MACROD2: variants seen among roughly 807,000 people sequenced by gnomAD.
MACROD2 encodes mono-ADP ribosylhydrolase 2, also known as ADP-ribose glycohydrolase MACROD2.
In MACROD2, 36 loss-of-function variants were observed where a neutral mutation model predicts 70.4. The ratio of observed to expected loss-of-function variants is 0.51; its 90% confidence interval spans 0.39 to 0.68. The LOEUF (loss-of-function observed/expected upper bound fraction) is 0.68, where lower values mean the gene tolerates loss of function less well. MACROD2 is among the 30% of genes least tolerant of loss of function. The pLI is 0.00. For synonymous variants in MACROD2, 172 were observed against 178.8 expected (o/e 0.96, Z 0.30); for missense variants, 496 against 538.4 (o/e 0.92, Z 0.78).
chr20:15,585,893 C>A (rs190212193), intron 8 of MACROD2, among the ~76,000 whole-genome samples: 6 of 152,184 alleles, frequency 3.9e-5, no homozygotes, highest in African/African-American at 1.2e-4. Context: ...TCAACAGAAA[C>A]CTCATAGTGC....
chr20:14,354,491 G>A (rs1371591524), intron 3 of MACROD2, among the ~76,000 whole-genome samples: 1 of 151,940 alleles, frequency 6.6e-6, no homozygotes, highest in Non-Finnish European at 1.5e-5. Context: ...CTATATCCTA[G>A]CAGTTTTTAA....
intron 10 of MACROD2, among the ~76,000 whole-genome samples, chr20:15,923,414 A>G (rs1352098924): frequency 2.0e-5 from 3 of 152,172 alleles, no homozygotes; most frequent in Non-Finnish European, 4.4e-5. Flanking sequence ...CCCATGATTC[A>G]ATTACCTCCC....
At chr20:14,271,477 A>G (rs1164621327) in intron 3 of MACROD2, among the ~76,000 whole-genome samples, 2 of 152,204 alleles carry the variant, frequency 1.3e-5, no homozygotes, top group Admixed American at 1.3e-4. Flanking sequence ...GGACATCCAC[A>G]CCAAAAACCC....
intron 5 of MACROD2, among the ~76,000 whole-genome samples, chr20:14,924,358 G>T (rs1256746600): frequency 6.6e-6 from 1 of 152,016 alleles, no homozygotes; most frequent in Non-Finnish European, 1.5e-5. Flanking sequence ...AGAATTGCTT[G>T]AACCTGGAAG....
In MACROD2 at chr20:15,021,265, T is replaced by TGTGTATACGCACAC. The variant is rs1386024417; in HGVS notation, c.419-208671_419-208670insATACGCACACGTGT. Among the ~76,000 whole-genome samples the TGTGTATACGCACAC allele has an allele frequency of 5.1e-4, 4 of 7,894 alleles. No individual in the cohort carries two copies. In the East Asian group the frequency reaches 0.017, roughly 34 times the overall value. 5.2% of individuals were successfully genotyped at this position (7,894 alleles called of 152,430 possible). On this transcript the variant is annotated intron_variant, in intron 5 of 17. Transcript: ENST00000684519. ...CTGTGTGTATGTATACACACACCTG[T>TGTGTATACGCACAC]GTGTGTGTATACGCACACCTGTGTG... is the stretch of plus-strand genomic sequence containing the variant.
chr20:15,181,471 C>T (rs1475390623), intron 5 of MACROD2, among the ~76,000 whole-genome samples: 3 of 152,174 alleles, frequency 2.0e-5, no homozygotes, highest in Non-Finnish European at 2.9e-5. Flanking sequence ...ACTCAACTGC[C>T]AAAGGCCAAC....
At chr20:15,697,483 A>G (rs1045934360) in intron 8 of MACROD2, among the ~76,000 whole-genome samples, 11 of 152,102 alleles carry the variant, frequency 7.2e-5, no homozygotes, top group East Asian at 3.9e-4. Flanking sequence ...CTAATGGTCT[A>G]TCTTGGAGAA....
chr20:15,611,599 G>A (rs2048971070), intron 8 of MACROD2, among the ~76,000 whole-genome samples: 2 of 151,838 alleles, frequency 1.3e-5, no homozygotes, highest in African/African-American at 4.8e-5. Flanking sequence ...CCATGGGAGT[G>A]AATATGCCAG....
At chr20:14,657,119 C>T (rs1600506267) in intron 4 of MACROD2, among the ~76,000 whole-genome samples, 2 of 152,130 alleles carry the variant, frequency 1.3e-5, no homozygotes, top group African/African-American at 2.4e-5. Flanking sequence ...TTTTTCAATG[C>T]ATTAGTATTA....
chr20:15,238,014 G>C (rs549223767), intron 6 of MACROD2, among the ~76,000 whole-genome samples: 54 of 152,294 alleles, frequency 3.5e-4, no homozygotes, highest in African/African-American at 1.3e-3. Flanking sequence ...TGTTTCATGT[G>C]TGCAGATGAG....
chr20:14,795,796 G>C (rs1255382358), intron 5 of MACROD2, among the ~76,000 whole-genome samples: 1 of 152,096 alleles, frequency 6.6e-6, no homozygotes, highest in East Asian at 1.9e-4. Context: ...GCATTGTAAA[G>C]ACTGGAATAG....
chr20:15,246,936 C>T (rs2077111153), intron 6 of MACROD2, among the ~76,000 whole-genome samples: 2 of 152,090 alleles, frequency 1.3e-5, no homozygotes, highest in Admixed American at 1.3e-4. Context: ...GTTATGCCAA[C>T]TGAAATAAAC....
intron 3 of MACROD2, among the ~76,000 whole-genome samples, chr20:14,402,498 T>C (rs1209117446): frequency 2.0e-5 from 3 of 152,050 alleles, no homozygotes; most frequent in Non-Finnish European, 2.9e-5. Context: ...ATAGGGGAAA[T>C]GTATGTGTGT....
At chr20:14,727,285 C>A (rs1219889885) in intron 5 of MACROD2, among the ~76,000 whole-genome samples, 2 of 152,124 alleles carry the variant, frequency 1.3e-5, no homozygotes, top group Admixed American at 1.3e-4. Context: ...AAACCCAGCA[C>A]TTTGGGAGGC....
Position 15,284,523 on chromosome 20 carries a change from A to T in MACROD2, c.540+54462A>T, listed in dbSNP as rs191591346. 1.7e-4 allele frequency among the ~76,000 whole-genome samples: 26 copies of T among 151,830 alleles called. No individual in the cohort carries two copies. In the East Asian group the frequency reaches 5.0e-3, roughly 29 times the overall value. On this transcript the variant is annotated intron_variant, in intron 6 of 17. Transcript: ENST00000684519. ...TCTGTGAGGAAAATACATGAAATCTATTTTTCTCTCTTTCTGTGATATTTG... is the reference window on the plus strand; with the variant it reads ...TCTGTGAGGAAAATACATGAAATCTTTTTTTCTCTCTTTCTGTGATATTTG...
chr20:15,078,617 G>C (rs951497183), intron 5 of MACROD2, among the ~76,000 whole-genome samples: 1 of 151,934 alleles, frequency 6.6e-6, no homozygotes, highest in African/African-American at 2.4e-5. Context: ...ATTCTTCCCT[G>C]TTTTAGGAAT....
At chr20:14,435,719 T>C (rs1213684141) in intron 3 of MACROD2, among the ~76,000 whole-genome samples, 5 of 152,000 alleles carry the variant, frequency 3.3e-5, no homozygotes, top group Admixed American at 3.3e-4. Context: ...GTCATTTTTT[T>C]TTTTTGACAT....
chr20:14,097,776 C>G (rs1407698285), intron 3 of MACROD2, among the ~76,000 whole-genome samples: 1 of 152,028 alleles, frequency 6.6e-6, no homozygotes, highest in Non-Finnish European at 1.5e-5. Flanking sequence ...GGGATGGGAC[C>G]CAAGTCTAAA....
chr20:14,337,895 T>TA (rs768391890), intron 3 of MACROD2, among the ~76,000 whole-genome samples: 6 of 152,136 alleles, frequency 3.9e-5, no homozygotes, highest in Non-Finnish European at 7.4e-5. Flanking sequence ...GTATTTTTTT[T>TA]AAAAAGCATG....
Sources: allele counts gnomAD v4.1 joint callset (sites outside exome capture counted in the v4.1 genomes callset), GRCh38; gene constraint gnomAD v4.1.1; transcripts MANE v1.5; gene names NCBI Gene and HGNC (gene_info 2026-07-23, HGNC 2026-07-21).